UBE2O: variants seen among roughly 807,000 people sequenced by gnomAD.
UBE2O encodes the protein ubiquitin conjugating enzyme E2 O.
Under a neutral mutation model 125.8 loss-of-function variants are expected in UBE2O, and 15 were observed. That is an observed-to-expected ratio of 0.12 (90% CI 0.08 to 0.18). The LOEUF is 0.18. Ranked by LOEUF, UBE2O falls within the 10% of genes least tolerant of loss-of-function variation. The pLI, the probability that UBE2O is intolerant of heterozygous loss-of-function variation, is 1.00. For missense variants in UBE2O, 1,280 were observed against 1,723.6 expected, an observed-to-expected ratio of 0.74 and a Z score of 4.56; for synonymous variants, 708 against 703.2, an observed-to-expected ratio of 1.01 and a Z score of -0.11.
intron 1 of UBE2O, among the ~76,000 whole-genome samples, chr17:76,426,156 C>G (rs1401895668): frequency 1.3e-5 from 2 of 152,180 alleles, no homozygotes; most frequent in East Asian, 3.8e-4. Flanking sequence ...ATGCACAACA[C>G]CACACTTGGC....
chr17:76,437,247 G>A (rs2073010803), intron 1 of UBE2O, among the ~76,000 whole-genome samples: 1 of 151,466 alleles, frequency 6.6e-6, no homozygotes, highest in Admixed American at 6.6e-5. Flanking sequence ...TCAGGAGATC[G>A]AGACCATCCT....
intron 1 of UBE2O, among the ~76,000 whole-genome samples, chr17:76,434,933 G>A (rs553084208): frequency 6.6e-6 from 1 of 152,152 alleles, no homozygotes; most frequent in East Asian, 1.9e-4. Flanking sequence ...GAGGGGCTCG[G>A]GCGCGCCCAT....
chr17:76,421,257 A>T (rs1373692833), intron 1 of UBE2O, among the ~76,000 whole-genome samples: 1 of 152,246 alleles, frequency 6.6e-6, no homozygotes, highest in African/African-American at 2.4e-5. Context: ...GCCTGCTGTC[A>T]GCGCTCATGG....
At chr17:76,421,695 T>C (rs1403781862) in intron 1 of UBE2O, among the ~76,000 whole-genome samples, 1 of 152,174 alleles carries the variant, frequency 6.6e-6, no homozygotes, top group East Asian at 1.9e-4. Flanking sequence ...TTCCCAGGGA[T>C]GGAGTAATTA....
At chr17:76,443,540 C>T (rs1278213033) in intron 1 of UBE2O, among the ~76,000 whole-genome samples, 1 of 152,080 alleles carries the variant, frequency 6.6e-6, no homozygotes, top group Non-Finnish European at 1.5e-5. Context: ...CCACCCACCT[C>T]GGCCTCCCAA....
At position 76,400,545 on chromosome 17, in the gene UBE2O, C is replaced by T. The variant is rs780077217; in HGVS notation, c.900G>A (p.Gln300=). 5.0e-6 allele frequency: 8 copies of T among 1,610,762 alleles called. No homozygotes were observed. Among genetic ancestry groups the T allele is most frequent in the African/African-American group, 1.3e-5 (1 of 74,892 alleles). The change falls in exon 7 of 18, where the codon CAG becomes CAA. Residue 300 remains glutamine (Q), a synonymous_variant. Transcript: ENST00000319380. This position sits in a 1 kb window ranked among gnomAD's most constrained non-coding sequence, Gnocchi z 4.3. The part of the protein sequence containing the change: ...SKFRVVVEEV[Q]VVELKVTWIT... Reference sequence around the variant, plus strand: ...TCCATGTAACTTTCAACTCTACAACCTGCACCTGGGGATGGCAGGTGGGAC... The same window carrying T: ...TCCATGTAACTTTCAACTCTACAACTTGCACCTGGGGATGGCAGGTGGGAC...
chr17:76,420,614 T>C, intron 1 of UBE2O, among the ~76,000 whole-genome samples: 1 of 152,172 alleles, frequency 6.6e-6, no homozygotes, highest in East Asian at 1.9e-4. Context: ...TACAACTCTG[T>C]AACTACATCT....
chr17:76,396,075 CAGG>C lies in UBE2O; in HGVS notation c.2809+50_2809+52del. Reference sequence around the variant, plus strand: ...CTGCACCCAGATCTGGTGACACAAACAGGAGCCCCGAGAAGGCGGGGGAAGGCG... The same window carrying C: ...CTGCACCCAGATCTGGTGACACAAACAGCCCCGAGAAGGCGGGGGAAGGCG... On this transcript the variant is annotated intron_variant, in intron 14 of 17. Transcript: ENST00000319380. The surrounding 1 kb of genome is among the most constrained non-coding windows in gnomAD (Gnocchi z 6.7). 1 of 1,584,272 alleles carries C rather than the reference CAGG, an allele frequency of 6.3e-7. No individual in the cohort carries two copies. Among genetic ancestry groups the C allele is most frequent in the Non-Finnish European group, 8.6e-7 (1 of 1,161,422 alleles).
chr17:76,441,392 C>G (rs2040116844), intron 1 of UBE2O, among the ~76,000 whole-genome samples: 1 of 152,208 alleles, frequency 6.6e-6, no homozygotes. Flanking sequence ...AAGAGGCAAG[C>G]CTTTCTAACA....
intron 1 of UBE2O, among the ~76,000 whole-genome samples, chr17:76,420,758 C>T (rs1415131661): frequency 6.6e-6 from 1 of 152,172 alleles, no homozygotes; most frequent in Non-Finnish European, 1.5e-5. Flanking sequence ...TGGGGTCTTG[C>T]ACCACCAGGT....
At position 76,452,033 on chromosome 17, in the gene UBE2O, T is replaced by C. The variant is rs1598630663; in HGVS notation, c.417+692A>G. 6.6e-6 allele frequency among the ~76,000 whole-genome samples: 1 copy of C among 152,088 alleles called. No individual in the cohort carries two copies. On this transcript the variant is annotated intron_variant, in intron 1 of 17. Transcript: ENST00000319380. The surrounding 1 kb of genome is among the most constrained non-coding windows in gnomAD (Gnocchi z 4.4). ...CCCTCTACCCAGGGTTCTGGATTAT[T>C]TTTTTCAAGGAGTCCATATGCACTT...
At chr17:76,420,104 C>T (rs763449920) in intron 1 of UBE2O, among the ~76,000 whole-genome samples, 1 of 152,178 alleles carries the variant, frequency 6.6e-6, no homozygotes, top group Non-Finnish European at 1.5e-5. Flanking sequence ...TGGCCCCCTT[C>T]GCACCACACT....
chr17:76,399,596 A>G lies in UBE2O; in HGVS notation c.1481T>C (p.Val494Ala). The change falls in exon 9 of 18, where the codon GTG (valine) becomes GCG (alanine). Residue 494 changes from valine (V) to alanine (A), a missense_variant. Transcript: ENST00000319380. This position sits in a 1 kb window ranked among gnomAD's most constrained non-coding sequence, Gnocchi z 6.9. ...AGTGGTGGAGCTGGCAGAGGAGGTC[A>G]CCGAACTGGTGTCGTCCGTGTCATC... Reference protein sequence around the residue: ...AADDTDDTSSVTSSASSTTSS... With the variant: ...AADDTDDTSSATSSASSTTSS... 1.9e-6 allele frequency: 3 copies of G among 1,614,138 alleles called. No homozygotes were observed. Among genetic ancestry groups the G allele is most frequent in the Non-Finnish European group, 2.5e-6 (3 of 1,180,024 alleles).
intron 1 of UBE2O, among the ~76,000 whole-genome samples, chr17:76,414,328 T>C (rs1290342346): frequency 2.0e-5 from 3 of 152,250 alleles, no homozygotes; most frequent in Non-Finnish European, 2.9e-5. Flanking sequence ...AGAATACAAA[T>C]ATATAATTAA....
At chr17:76,429,555 A>T (rs988665208) in intron 1 of UBE2O, among the ~76,000 whole-genome samples, 42 of 151,752 alleles carry the variant, frequency 2.8e-4, no homozygotes, top group African/African-American at 8.9e-4. Flanking sequence ...AAAAAAAAAA[A>T]AAAAAAAAAG....
chr17:76,401,284 A>G, intron 5 of UBE2O, 130 bp from the exon 6 acceptor site: 1 of 1,098,620 alleles, frequency 9.1e-7, no homozygotes, highest in Non-Finnish European at 1.3e-6. Context: ...ACACGCCCTA[A>G]AACAAGTCCT....
In UBE2O at chr17:76,399,365, G is replaced by A; in HGVS notation, c.1628+84C>T. Reference sequence around the variant, plus strand: ...AAGGCATGCAGAGGTGTGTGTGCGAGCGCAGGCACGCACACCGAGGGGACG... The same window carrying A: ...AAGGCATGCAGAGGTGTGTGTGCGAACGCAGGCACGCACACCGAGGGGACG... On this transcript the variant is annotated intron_variant, in intron 9 of 17. Transcript: ENST00000319380. The surrounding 1 kb of genome is among the most constrained non-coding windows in gnomAD (Gnocchi z 6.9). The A allele has an allele frequency of 3.0e-6, 4 of 1,350,256 alleles. No individual in the cohort carries two copies. In the South Asian group the frequency reaches 5.2e-5, roughly 18 times the overall value. The allele number at this position is 1,350,256 out of a possible 1,614,324, so 83.6% of individuals were successfully genotyped here.
In UBE2O at chr17:76,395,347, G is replaced by A. The variant is rs1567830401; in HGVS notation, c.2946+378C>T. 6.4e-6 allele frequency: 1 copy of A among 156,594 alleles called. No homozygotes were observed. Among genetic ancestry groups the A allele is most frequent in the East Asian group, 1.9e-4 (1 of 5,336 alleles). The allele number at this position is 156,594 out of a possible 1,614,324, so 9.7% of individuals were successfully genotyped here. A position where few individuals can be genotyped will look rare whatever the true frequency, so the allele number is the denominator to read the frequency against. ...CAGGCGCCCGCATGGTGGCGGGAGA[G>A]TTTTTTGTAATTTTTTTTTTTTTTT... is the stretch of plus-strand genomic sequence containing the variant. On this transcript the variant is annotated intron_variant, in intron 15 of 17. Transcript: ENST00000319380. This position sits in a 1 kb window ranked among gnomAD's most constrained non-coding sequence, Gnocchi z 5.0.
intron 1 of UBE2O, among the ~76,000 whole-genome samples, chr17:76,448,098 CAGTACA>C (rs947721531): frequency 1.3e-5 from 2 of 152,152 alleles, no homozygotes; most frequent in African/African-American, 4.8e-5. Flanking sequence ...CTTCCAATCA[CAGTACA>C]AAACACACAC....
Sources: gnomAD v4.1 joint callset for allele counts (sites outside exome capture counted in the v4.1 genomes callset) on GRCh38, gnomAD v4.1.1 for gene constraint, Gnocchi (gnomAD v3.1) non-coding constraint, MANE v1.5 for transcripts, NCBI Gene and HGNC (gene_info 2026-07-23, HGNC 2026-07-21) for gene names.